The following ALPK1 variants were observed in gnomAD, a reference collection of about 807,000 sequenced individuals.
The protein encoded by ALPK1 is alpha-protein kinase 1.
A neutral mutation model predicts 120.6 loss-of-function variants in ALPK1; 110 were observed. The ratio of observed to expected loss-of-function variants is 0.91; its 90% CI spans 0.78 to 1.07. The LOEUF (loss-of-function observed/expected upper bound fraction) is 1.07. Ranked by LOEUF, ALPK1 falls within the 50% of genes least tolerant of loss-of-function variation. ALPK1 has a pLI of 0.00. For synonymous variants in ALPK1, 582 were observed against 560.3 expected (o/e 1.04, Z -0.55); for missense variants, 1,498 against 1,483.9 (o/e 1.01, Z -0.16).
chr4:112,377,963 A>G lies in ALPK1; in HGVS notation c.121+65A>G, dbSNP rs561873320. The G allele has an allele frequency of 1.3e-4, 196 of 1,502,926 alleles. No homozygotes were observed. In the African/African-American group the frequency reaches 2.6e-3, roughly 20 times the overall value. 93.1% of individuals were successfully genotyped at this position (1,502,926 alleles called of 1,614,324 possible). A position where few individuals can be genotyped will look rare whatever the true frequency, so the allele number is the denominator to read the frequency against. On this transcript the variant is annotated intron_variant, in intron 3 of 15. Coordinates refer to ENST00000650871, the MANE Select transcript of ALPK1 (RefSeq NM_025144.4). The stretch of plus-strand genomic sequence containing the variant: ...GTTCACTCTCCTGTCCCCTGCCTGA[A>G]CGACACGTTCTTATCTCTGCCCTAT...
chr4:112,408,216 AT>A (rs2148746692), intron 4 of ALPK1, among the ~76,000 whole-genome samples: 1 of 152,334 alleles, frequency 6.6e-6, no homozygotes, highest in African/African-American at 2.4e-5. Context: ...CCCAAGGTCC[AT>A]AGCCATAAGC....
intron 2 of ALPK1, among the ~76,000 whole-genome samples, chr4:112,362,903 C>A (rs886552915): frequency 6.6e-5 from 10 of 152,326 alleles, no homozygotes; most frequent in Non-Finnish European, 1.3e-4. Context: ...AGAAACCCTA[C>A]ATGCTAGAAG....
Position 112,411,847 on chromosome 4 carries a change from C to T in ALPK1, c.297C>T (p.Ile99=). The T allele has an allele frequency of 6.2e-7, 1 of 1,612,994 alleles. No homozygotes were observed. Among genetic ancestry groups the T allele is most frequent in the Non-Finnish European group, 8.5e-7 (1 of 1,179,540 alleles). The change falls in exon 5 of 16, where the codon ATC becomes ATT. Residue 99 remains isoleucine (I), a synonymous_variant. Transcript: ENST00000650871. ...QQLLASLRAS[I]LARDCAAAAA... Reference sequence around the variant, plus strand: ...TCCAGGCGTCCCTGAGGGCCTCCATCCTCGCTCGGGACTGTGCGGCTGCGG... The same window carrying T: ...TCCAGGCGTCCCTGAGGGCCTCCATTCTCGCTCGGGACTGTGCGGCTGCGG...
intron 14 of ALPK1, 130 bp from the exon 15 acceptor site, chr4:112,440,787 G>T: frequency 7.2e-7 from 1 of 1,382,596 alleles, no homozygotes; most frequent in Admixed American, 3.1e-5. Context: ...CCACAGGATG[G>T]CCAAGTTTTT....
At chr4:112,401,571 G>C (rs1352551139) in intron 4 of ALPK1, among the ~76,000 whole-genome samples, 1 of 152,130 alleles carries the variant, frequency 6.6e-6, no homozygotes, top group East Asian at 1.9e-4. Context: ...GTGTGCTGGA[G>C]GAATCATCAA....
At chr4:112,356,181 A>T in intron 2 of ALPK1, 1 of 1,607,882 alleles carries the variant, frequency 6.2e-7, no homozygotes, top group Non-Finnish European at 8.5e-7. Flanking sequence ...TTCCCTTCCC[A>T]GCCCTACAAA....
intron 4 of ALPK1, among the ~76,000 whole-genome samples, chr4:112,409,390 C>A (rs989204417): frequency 2.6e-5 from 4 of 152,008 alleles, no homozygotes; most frequent in Admixed American, 6.6e-5. Flanking sequence ...CTCTTCCTCT[C>A]CTGGATTCTG....
At chr4:112,425,616 C>T (rs757541443) in intron 6 of ALPK1, 49 bp from the exon 7 acceptor site, 1 of 1,486,190 alleles carries the variant, frequency 6.7e-7, no homozygotes, top group East Asian at 2.3e-5. Flanking sequence ...TTTTAATTTG[C>T]AAGGCTATAT....
chr4:112,427,035 G>C (rs1371313352), intron 8 of ALPK1, among the ~76,000 whole-genome samples: 1 of 152,150 alleles, frequency 6.6e-6, no homozygotes, highest in Non-Finnish European at 1.5e-5. Context: ...TGAAACATCT[G>C]GTTATTACAT....
chr4:112,374,668 AG>A (rs1348537285), intron 2 of ALPK1, among the ~76,000 whole-genome samples: 11 of 152,232 alleles, frequency 7.2e-5, no homozygotes, highest in Non-Finnish European at 1.6e-4. Flanking sequence ...AAGACTTAAA[AG>A]TTGAAATTAC....
At chr4:112,429,839 C>CAAAAAAAAAAA (rs756983786) in intron 10 of ALPK1, among the ~76,000 whole-genome samples, 2 of 40,092 alleles carry the variant, frequency 5.0e-5, no homozygotes, top group Non-Finnish European at 9.8e-5. Flanking sequence ...GACCCTACCT[C>CAAAAAAAAAAA]AAAAAAAAAA....
At chr4:112,434,378 C>T (rs1256354023) in intron 11 of ALPK1, among the ~76,000 whole-genome samples, 2 of 152,210 alleles carry the variant, frequency 1.3e-5, no homozygotes, top group African/African-American at 2.4e-5. Context: ...GTCAGTTTAT[C>T]TTGCTTTAAG....
At position 112,425,653 on chromosome 4, in the gene ALPK1, C is replaced by T; in HGVS notation, c.536-12C>T. 6.2e-7 allele frequency: 1 copy of T among 1,610,098 alleles called. No homozygotes were observed. The highest frequency in any genetic ancestry group is 1.1e-5 in the South Asian group (1 of 90,808). On this transcript the variant is annotated splice_polypyrimidine_tract_variant and intron_variant, in intron 6 of 15. Coordinates refer to ENST00000650871, the MANE Select transcript of ALPK1 (RefSeq NM_025144.4). Reference sequence around the variant, plus strand: ...TCTGATAATTCAAGGGAATTTTCATCTTTTCTTTTAGGTACCTGGCTGTAC... The same window carrying T: ...TCTGATAATTCAAGGGAATTTTCATTTTTTCTTTTAGGTACCTGGCTGTAC...
At chr4:112,435,534 C>G (rs1025460382) in intron 12 of ALPK1, among the ~76,000 whole-genome samples, 1 of 152,130 alleles carries the variant, frequency 6.6e-6, no homozygotes, top group African/African-American at 2.4e-5. Context: ...ACCTCAAAAC[C>G]ATCAGGGAAA....
In ALPK1 at chr4:112,430,978, C is replaced by A; in HGVS notation, c.1431C>A (p.Asn477Lys). 1 of 1,613,486 alleles carries A rather than the reference C, an allele frequency of 6.2e-7. No individual in the cohort carries two copies. The highest frequency in any genetic ancestry group is 8.5e-7 in the Non-Finnish European group (1 of 1,179,648). Residue 477 changes from asparagine to lysine, a missense_variant, in exon 11 of 16, where the codon AAC (asparagine) becomes AAA (lysine). Physicochemically the swap from Asn to Lys is moderately conservative, Grantham distance 94. Coordinates refer to ENST00000650871, the MANE Select transcript of ALPK1 (RefSeq NM_025144.4). Reference protein sequence around the residue: ...CEVFESDCGNNKNEQKDAKTG... With the variant: ...CEVFESDCGNKKNEQKDAKTG... ...TATTTGAAAGTGATTGTGGAAACAACAAAAATGAACAGAAAGATGCAAAAA... is the reference window on the plus strand; with the variant it reads ...TATTTGAAAGTGATTGTGGAAACAAAAAAAATGAACAGAAAGATGCAAAAA...
chr4:112,322,539 G>C (rs563745697), intron 2 of ALPK1, among the ~76,000 whole-genome samples: 1 of 152,184 alleles, frequency 6.6e-6, no homozygotes, highest in Non-Finnish European at 1.5e-5. Flanking sequence ...CTATGTGCTA[G>C]GAGTTATTCA....
intron 2 of ALPK1, among the ~76,000 whole-genome samples, chr4:112,376,883 A>T (rs1441750551): frequency 6.6e-6 from 1 of 152,238 alleles, no homozygotes; most frequent in Non-Finnish European, 1.5e-5. Context: ...CTTTAACAAA[A>T]GAAAGATAGA....
At chr4:112,435,059 T>C (rs764099479) in intron 11 of ALPK1, 89 bp from the exon 12 acceptor site, 363 of 1,279,096 alleles carry the variant, frequency 2.8e-4, no homozygotes, top group Non-Finnish European at 3.9e-4. Flanking sequence ...TCAGGTGAGC[T>C]GGCGTAGGAC....
chr4:112,395,028 G>T (rs1272601595), intron 4 of ALPK1, among the ~76,000 whole-genome samples: 1 of 152,174 alleles, frequency 6.6e-6, no homozygotes, highest in Non-Finnish European at 1.5e-5. Flanking sequence ...ATCTGACTGT[G>T]TTTATATGAG....
Sources: allele counts gnomAD v4.1 joint callset (sites outside exome capture counted in the v4.1 genomes callset), GRCh38; gene constraint gnomAD v4.1.1; transcripts MANE v1.5; gene names NCBI Gene and HGNC (gene_info 2026-07-23, HGNC 2026-07-21).